The following FARS2 variants were observed in gnomAD, a reference collection of about 807,000 sequenced individuals.
The protein encoded by FARS2 is phenylalanine--tRNA ligase, mitochondrial.
FARS2 carries 40 observed loss-of-function variants against 46.4 expected under a neutral mutation model. The observed-to-expected ratio is 0.86, with a 90% CI of 0.67 to 1.12. FARS2 has a LOEUF of 1.12. Ranked by LOEUF, FARS2 falls within the 50% of genes most tolerant of loss-of-function variation. The pLI is 0.00. For missense variants in FARS2, 513 were observed against 567.9 expected (o/e 0.90, Z 0.98); for synonymous variants, 234 against 214.9 (o/e 1.09, Z -0.78).
chr6:5,526,062 T>G (rs1769446642), intron 4 of FARS2, among the ~76,000 whole-genome samples: 1 of 152,218 alleles, frequency 6.6e-6, no homozygotes, highest in Admixed American at 6.5e-5. Context: ...AATGATAATA[T>G]TATCCAGTGT....
chr6:5,493,534 A>G (rs1318942844), intron 4 of FARS2, among the ~76,000 whole-genome samples: 1 of 152,200 alleles, frequency 6.6e-6, no homozygotes, highest in Admixed American at 6.5e-5. Flanking sequence ...CGCAGTCTCT[A>G]TAGGGGACCT....
At chr6:5,623,479 T>G (rs1775874858) in intron 6 of FARS2, among the ~76,000 whole-genome samples, 1 of 152,104 alleles carries the variant, frequency 6.6e-6, no homozygotes, top group African/African-American at 2.4e-5. Flanking sequence ...TTTTGGAGGC[T>G]AGGGCAGGCG....
chr6:5,527,584 A>C (rs894300962), intron 4 of FARS2, among the ~76,000 whole-genome samples: 1 of 152,246 alleles, frequency 6.6e-6, no homozygotes, highest in Admixed American at 6.5e-5. Context: ...ATAAAAACTG[A>C]TATATGAAGA....
chr6:5,440,276 G>T (rs1763766365), intron 4 of FARS2, among the ~76,000 whole-genome samples: 1 of 152,084 alleles, frequency 6.6e-6, no homozygotes, highest in Non-Finnish European at 1.5e-5. Flanking sequence ...TTTATAAAAA[G>T]TAGAATCATA....
chr6:5,447,261 G>A (rs1764235019), intron 4 of FARS2, among the ~76,000 whole-genome samples: 1 of 152,172 alleles, frequency 6.6e-6, no homozygotes, highest in African/African-American at 2.4e-5. Flanking sequence ...GCCAGATTGT[G>A]TGCCTTTTAA....
intron 4 of FARS2, among the ~76,000 whole-genome samples, chr6:5,494,601 T>A (rs547884874): frequency 1.3e-5 from 2 of 152,364 alleles, no homozygotes; most frequent in South Asian, 4.1e-4. Context: ...ATTAGGTTCA[T>A]GCCCACTAAT....
chr6:5,606,306 C>G (rs1774832084), intron 5 of FARS2, among the ~76,000 whole-genome samples: 1 of 151,984 alleles, frequency 6.6e-6, no homozygotes, highest in Admixed American at 6.6e-5. Context: ...AGATAGATTA[C>G]CTGTGAAGAA....
At chr6:5,455,703 G>C (rs1764809745) in intron 4 of FARS2, among the ~76,000 whole-genome samples, 1 of 149,698 alleles carries the variant, frequency 6.7e-6, no homozygotes, top group Non-Finnish European at 1.5e-5. Context: ...CAGAAGTAAT[G>C]TAGGATAGTA....
intron 6 of FARS2, among the ~76,000 whole-genome samples, chr6:5,649,324 C>T (rs1352691448): frequency 6.6e-6 from 1 of 152,158 alleles, no homozygotes; most frequent in Non-Finnish European, 1.5e-5. Flanking sequence ...TCATTTATCT[C>T]CGGTATCCTT....
intron 5 of FARS2, among the ~76,000 whole-genome samples, chr6:5,553,246 A>C (rs1561708288): frequency 6.6e-6 from 1 of 152,218 alleles, no homozygotes; most frequent in Non-Finnish European, 1.5e-5. Context: ...TATCACTGCA[A>C]CAGGAGTAGA....
intron 6 of FARS2, among the ~76,000 whole-genome samples, chr6:5,766,820 C>T (rs1249495288): frequency 3.3e-5 from 5 of 152,096 alleles, no homozygotes; most frequent in Non-Finnish European, 7.4e-5. Context: ...GCAGTCTCCC[C>T]TATGACCCCT....
chr6:5,738,220 G>A (rs759604299), intron 6 of FARS2, among the ~76,000 whole-genome samples: 1 of 152,138 alleles, frequency 6.6e-6, no homozygotes, highest in Non-Finnish European at 1.5e-5. Context: ...CAAAGTGTTG[G>A]GATTACAGGC....
intron 4 of FARS2, among the ~76,000 whole-genome samples, chr6:5,475,630 A>G (rs533299117): frequency 6.6e-6 from 1 of 152,150 alleles, no homozygotes; most frequent in Non-Finnish European, 1.5e-5. Context: ...CTATTTGGAC[A>G]TCATAGACCC....
At chr6:5,536,658 C>G (rs2150474068) in intron 4 of FARS2, among the ~76,000 whole-genome samples, 1 of 152,258 alleles carries the variant, frequency 6.6e-6, no homozygotes, top group East Asian at 1.9e-4. Context: ...CCAATGTAGC[C>G]TGGTGTCCAT....
At chr6:5,527,000 T>C (rs1266423279) in intron 4 of FARS2, among the ~76,000 whole-genome samples, 2 of 152,220 alleles carry the variant, frequency 1.3e-5, no homozygotes, top group Non-Finnish European at 2.9e-5. Flanking sequence ...TGAAAGTGTT[T>C]AAAAGGTTTA....
At chr6:5,341,225 A>C (rs1468761168) in intron 1 of FARS2, among the ~76,000 whole-genome samples, 11 of 4,866 alleles carry the variant, frequency 2.3e-3, no homozygotes, top group African/African-American at 0.01. Context: ...ATATATATAT[A>C]TATATATATA....
intron 5 of FARS2, among the ~76,000 whole-genome samples, chr6:5,584,685 T>A (rs1773521520): frequency 1.3e-5 from 2 of 152,190 alleles, no homozygotes; most frequent in Admixed American, 1.3e-4. Flanking sequence ...TGTTTTTTTT[T>A]AACCTTCCAT....
chr6:5,636,430 G>A (rs1776549529), intron 6 of FARS2, among the ~76,000 whole-genome samples: 2 of 152,192 alleles, frequency 1.3e-5, no homozygotes, highest in Non-Finnish European at 2.9e-5. Context: ...TTTGTGCAGT[G>A]AGGCATCCTT....
At chr6:5,327,041 A>C (rs182245682) in intron 1 of FARS2, among the ~76,000 whole-genome samples, 1 of 152,174 alleles carries the variant, frequency 6.6e-6, no homozygotes, top group African/African-American at 2.4e-5. Context: ...GTCGCTCACC[A>C]ATGGAGCTGG....
Sources: gnomAD v4.1 joint callset for allele counts (sites outside exome capture counted in the v4.1 genomes callset) on GRCh38, gnomAD v4.1.1 for gene constraint, MANE v1.5 for transcripts, NCBI Gene and HGNC (gene_info 2026-07-23, HGNC 2026-07-21) for gene names.